Variants in RBM17 observed in about 807,000 individuals in gnomAD.
RBM17 encodes RNA binding motif protein 17.
A neutral mutation model predicts 53.2 loss-of-function variants in RBM17; 7 were observed. The ratio of observed to expected loss-of-function variants is 0.13; its 90% CI spans 0.07 to 0.25. The LOEUF (loss-of-function observed/expected upper bound fraction) is 0.25, where lower values mean the gene tolerates loss of function less well. Ranked by LOEUF, RBM17 falls within the 10% of genes least tolerant of loss-of-function variation. The pLI, the probability that RBM17 is intolerant of heterozygous loss-of-function variation, is 1.00. For missense variants in RBM17, 257 were observed against 496.7 expected (o/e 0.52, Z 4.59); for synonymous variants, 167 against 178.1 (o/e 0.94, Z 0.50).
intron 5 of RBM17, among the ~76,000 whole-genome samples, chr10:6,107,647 G>A (rs1424246400): frequency 6.6e-6 from 1 of 150,634 alleles, no homozygotes; most frequent in Non-Finnish European, 1.5e-5. Flanking sequence ...ATGCCCAGCT[G>A]ATTTTTGCAT....
At chr10:6,096,059 T>C (rs1224973812) in intron 1 of RBM17, among the ~76,000 whole-genome samples, 3 of 152,230 alleles carry the variant, frequency 2.0e-5, no homozygotes, top group African/African-American at 7.2e-5. Flanking sequence ...AACTGGGAAC[T>C]ACTGTGCTAA....
In RBM17 at chr10:6,098,326, GT is replaced by G. The variant is rs757495775; in HGVS notation, c.123+1139del. Among the ~76,000 whole-genome samples the G allele has an allele frequency of 8.1e-4, 123 of 152,238 alleles. 1 individual carries two copies. Among genetic ancestry groups the G allele is most frequent in the Non-Finnish European group, 1.5e-3 (101 of 68,028 alleles). On this transcript the variant is annotated intron_variant, in intron 2 of 11. Coordinates refer to ENST00000379888, the MANE Select transcript of RBM17 (RefSeq NM_032905.5). Reference sequence around the variant, plus strand: ...TCAAAGGCTCCTTGCTGGGGAGGCAGTAATTAAAGTTGAGAAAAAGTACTTT... The same window carrying G: ...TCAAAGGCTCCTTGCTGGGGAGGCAGAATTAAAGTTGAGAAAAAGTACTTT...
chr10:6,096,098 TTTAAA>T (rs1476273180), intron 1 of RBM17, among the ~76,000 whole-genome samples: 7 of 152,240 alleles, frequency 4.6e-5, no homozygotes, highest in African/African-American at 1.7e-4. Flanking sequence ...TGGGTTTCTG[TTTAAA>T]TTAAGTTCTC....
chr10:6,098,556 G>GGTTTTTGTTTTTTTT lies in RBM17; in HGVS notation c.123+1368_123+1369insGTTTTTGTTTTTTTT, dbSNP rs1840613398. 2.7e-4 allele frequency among the ~76,000 whole-genome samples: 24 copies of GGTTTTTGTTTTTTTT among 87,970 alleles called. 1 individual carries two copies. The highest frequency in any genetic ancestry group is 2.1e-3 in the East Asian group (6 of 2,908). The allele number at this position is 87,970 out of a possible 152,430, so 57.7% of individuals were successfully genotyped here. On this transcript the variant is annotated intron_variant, in intron 2 of 11. Transcript: ENST00000379888. The stretch of plus-strand genomic sequence containing the variant: ...GTTTGAAAATTTCCGTAATACACAG[G>GGTTTTTGTTTTTTTT]TTTTTTGTTTTTTTTTTTTTTTTTT...
At position 6,089,753 on chromosome 10, in the gene RBM17, C is replaced by A. The variant is rs1370135487; in HGVS notation, c.-19+560C>A. The stretch of plus-strand genomic sequence containing the variant: ...AGTTTGAGCGGTGTTTCAGCGCTCA[C>A]GTCCGACCCCAGGCAGTCTTTGAGC... On this transcript the variant is annotated intron_variant, in intron 1 of 11. Coordinates refer to ENST00000379888, the MANE Select transcript of RBM17 (RefSeq NM_032905.5). This position sits in a 1 kb window ranked among gnomAD's most constrained non-coding sequence, Gnocchi z 5.6. The A allele has an allele frequency of 6.6e-6, 1 of 152,404 alleles. No homozygotes were observed. Among genetic ancestry groups the A allele is most frequent in the African/African-American group, 2.4e-5 (1 of 41,448 alleles). 9.4% of individuals were successfully genotyped at this position (152,404 alleles called of 1,614,324 possible).
At chr10:6,095,658 G>A (rs541904895) in intron 1 of RBM17, among the ~76,000 whole-genome samples, 125 of 152,264 alleles carry the variant, frequency 8.2e-4, no homozygotes, top group African/African-American at 2.7e-3. Context: ...GAGGGTTCAC[G>A]TATGAAGGAA....
intron 3 of RBM17, among the ~76,000 whole-genome samples, chr10:6,102,436 G>C (rs1333916445): frequency 2.0e-5 from 3 of 152,184 alleles, no homozygotes; most frequent in Non-Finnish European, 4.4e-5. Flanking sequence ...GGGAGCGGGT[G>C]CTGTTCCTGA....
chr10:6,114,078 A>G lies in RBM17; in HGVS notation c.960A>G (p.Glu320=). ...RNMVGAGEVD[E]DLEVETKEEC... ...TGGTTGGTGCGGGAGAGGTGGATGAAGACTTGGAAGTTGAAACCAAGGAAG... is the reference window on the plus strand; with the variant it reads ...TGGTTGGTGCGGGAGAGGTGGATGAGGACTTGGAAGTTGAAACCAAGGAAG... Residue 320 remains glutamate, a synonymous_variant, in exon 10 of 12, where the codon GAA becomes GAG. Transcript: ENST00000379888. The G allele has an allele frequency of 6.2e-7, 1 of 1,613,506 alleles. No individual in the cohort carries two copies. Among genetic ancestry groups the G allele is most frequent in the Non-Finnish European group, 8.5e-7 (1 of 1,179,544 alleles).
intron 6 of RBM17, 34 bp downstream of exon 6, chr10:6,108,776 A>C (rs770812498): frequency 6.4e-7 from 1 of 1,552,414 alleles, no homozygotes; most frequent in Non-Finnish European, 8.9e-7. Context: ...TTTTATTCTG[A>C]TACAGGTCTT....
At chr10:6,102,136 G>A (rs1205295999) in intron 3 of RBM17, among the ~76,000 whole-genome samples, 1 of 152,188 alleles carries the variant, frequency 6.6e-6, no homozygotes, top group Non-Finnish European at 1.5e-5. Context: ...CACAGATGGC[G>A]TTCAAATAAT....
chr10:6,112,509 C>G lies in RBM17; in HGVS notation c.856+148C>G. On this transcript the variant is annotated intron_variant, in intron 8 of 11. Coordinates refer to ENST00000379888, the MANE Select transcript of RBM17 (RefSeq NM_032905.5). The surrounding 1 kb of genome is among the most constrained non-coding windows in gnomAD (Gnocchi z 4.4). Reference sequence around the variant, plus strand: ...GGCTGGCCCTGCCATCACTAGAACACAGGCCGTCCTGTTCATATGATGCAC... The same window carrying G: ...GGCTGGCCCTGCCATCACTAGAACAGAGGCCGTCCTGTTCATATGATGCAC... 1 of 904,172 alleles carries G rather than the reference C, an allele frequency of 1.1e-6. No individual in the cohort carries two copies. Among genetic ancestry groups the G allele is most frequent in the Non-Finnish European group, 1.8e-6 (1 of 569,506 alleles). The allele number at this position is 904,172 out of a possible 1,614,324, so 56.0% of individuals were successfully genotyped here.
Position 6,094,874 on chromosome 10 carries a change from C to G in RBM17, c.-18-2174C>G, listed in dbSNP as rs375181133. On this transcript the variant is annotated intron_variant, in intron 1 of 11. Transcript: ENST00000379888. ...GGCTTCGCAAATGGAGTATAAACTG[C>G]AGTTTGGCCTCATTTCCTATTTAGC... Among the ~76,000 whole-genome samples the G allele has an allele frequency of 2.8e-4, 43 of 152,246 alleles. 1 individual carries two copies. In the South Asian group the frequency reaches 8.7e-3, roughly 31 times the overall value.
In RBM17 at chr10:6,107,929, A is replaced by T. The variant is rs899568935; in HGVS notation, c.506-757A>T. 2.6e-5 allele frequency among the ~76,000 whole-genome samples: 4 copies of T among 152,202 alleles called. No homozygotes were observed. The South Asian group carries it at 8.3e-4, about 31-fold the overall frequency. On this transcript the variant is annotated intron_variant, in intron 5 of 11. Coordinates refer to ENST00000379888, the MANE Select transcript of RBM17 (RefSeq NM_032905.5). ...AATATTATGTATACGTAATCCATAT[A>T]TGTTAGGACTTATGCCTAATGCAAA...
chr10:6,113,347 T>C (rs1840867521), intron 8 of RBM17, 161 bp from the exon 9 acceptor site: 2 of 545,006 alleles, frequency 3.7e-6, no homozygotes, highest in Non-Finnish European at 6.5e-6. Context: ...GATAAGGCTG[T>C]GTTTTCGCTC....
At chr10:6,114,975 C>T (rs1208453272) in intron 10 of RBM17, 5 of 412,160 alleles carry the variant, frequency 1.2e-5, no homozygotes, top group Non-Finnish European at 1.7e-5. Context: ...TATTTGTTTA[C>T]GTCATCAGCT....
At chr10:6,107,395 C>T (rs1471902403) in intron 5 of RBM17, among the ~76,000 whole-genome samples, 3 of 150,932 alleles carry the variant, frequency 2.0e-5, no homozygotes, top group Non-Finnish European at 1.5e-5. Context: ...CCAGGCTGGT[C>T]TCAAACTCCT....
chr10:6,106,538 TG>T (rs1160462413), intron 5 of RBM17, among the ~76,000 whole-genome samples: 3 of 152,350 alleles, frequency 2.0e-5, no homozygotes, highest in South Asian at 4.1e-4. Context: ...TGGCCGATGC[TG>T]AATCCACTCT....
rs907253255 is a variant in RBM17 at position 6,112,596 on chromosome 10, C to T, written c.856+235C>T. The T allele has an allele frequency of 1.3e-5, 7 of 529,744 alleles. No individual in the cohort carries two copies. Among genetic ancestry groups the T allele is most frequent in the Non-Finnish European group, 2.1e-5 (6 of 292,044 alleles). 32.8% of individuals were successfully genotyped at this position (529,744 alleles called of 1,614,324 possible). ...CTCATCTTTATTTTTTCAGAACAGA[C>T]GTAGAGAGATGAAGGCTTGTGGAGG... On this transcript the variant is annotated intron_variant, in intron 8 of 11. Coordinates refer to ENST00000379888, the MANE Select transcript of RBM17 (RefSeq NM_032905.5). This position sits in a 1 kb window ranked among gnomAD's most constrained non-coding sequence, Gnocchi z 4.4.
At chr10:6,109,181 T>C (rs1317862983) in intron 6 of RBM17, among the ~76,000 whole-genome samples, 1 of 152,164 alleles carries the variant, frequency 6.6e-6, no homozygotes, top group Non-Finnish European at 1.5e-5. Flanking sequence ...TTGCGTGTCA[T>C]TGCGTTGCCA....
Sources: allele counts gnomAD v4.1 joint callset (sites outside exome capture counted in the v4.1 genomes callset), GRCh38; gene constraint gnomAD v4.1.1; non-coding constraint Gnocchi (gnomAD v3.1); transcripts MANE v1.5; gene names NCBI Gene and HGNC (gene_info 2026-07-23, HGNC 2026-07-21).